The following MARCHF1 variants were observed in gnomAD, a reference collection of about 807,000 sequenced individuals.
MARCHF1 encodes the protein E3 ubiquitin-protein ligase MARCHF1.
MARCHF1 carries 40 observed loss-of-function variants against 54.2 expected under a neutral mutation model. The ratio of observed to expected loss-of-function variants is 0.74; its 90% CI spans 0.57 to 0.96. MARCHF1 has a LOEUF of 0.96. Among genes scored for constraint, MARCHF1 ranks in the 40% least tolerant of loss-of-function variants. MARCHF1 has a pLI of 0.00. For synonymous variants in MARCHF1, 236 were observed against 236.3 expected, an observed-to-expected ratio of 1.00 and a Z score of 0.01; for missense variants, 586 against 656.5, an observed-to-expected ratio of 0.89 and a Z score of 1.17.
Position 164,092,791 on chromosome 4 carries a change from G to A in MARCHF1, c.-248+18797C>T, listed in dbSNP as rs138585538. Among the ~76,000 whole-genome samples the A allele has an allele frequency of 5.3e-5, 8 of 152,200 alleles. No individual in the cohort carries two copies. In the East Asian group the frequency reaches 1.2e-3, roughly 22 times the overall value. ...ACCAATTGATAAAGAAGAAAGTTACGTTGACTGATCTCAATTATCAGAAGG... is the reference window on the plus strand; with the variant it reads ...ACCAATTGATAAAGAAGAAAGTTACATTGACTGATCTCAATTATCAGAAGG... On this transcript the variant is annotated intron_variant, in intron 2 of 9. Coordinates refer to ENST00000514618, the MANE Select transcript of MARCHF1 (RefSeq NM_001394959.1).
chr4:163,929,469 T>G (rs539040053), intron 3 of MARCHF1, among the ~76,000 whole-genome samples: 1 of 152,198 alleles, frequency 6.6e-6, no homozygotes, highest in East Asian at 1.9e-4. Flanking sequence ...ATAATTCTGA[T>G]GCCATAGTGA....
At chr4:163,832,632 A>G (rs1442938644) in intron 4 of MARCHF1, among the ~76,000 whole-genome samples, 3 of 151,176 alleles carry the variant, frequency 2.0e-5, no homozygotes, top group Non-Finnish European at 4.4e-5. Context: ...GTACATGTGC[A>G]CAACGTGCAG....
At chr4:163,794,697 G>C (rs1274012285) in intron 4 of MARCHF1, among the ~76,000 whole-genome samples, 1 of 152,108 alleles carries the variant, frequency 6.6e-6, no homozygotes, top group African/African-American at 2.4e-5. Context: ...TTGTTAAACA[G>C]TGAATAACTA....
chr4:163,551,738 C>T (rs1026625524), intron 8 of MARCHF1, among the ~76,000 whole-genome samples: 2 of 152,142 alleles, frequency 1.3e-5, no homozygotes, highest in African/African-American at 4.8e-5. Flanking sequence ...AGGATGGCTT[C>T]CCCCATACTG....
At chr4:163,814,109 T>C (rs1439401625) in intron 4 of MARCHF1, among the ~76,000 whole-genome samples, 1 of 152,112 alleles carries the variant, frequency 6.6e-6, no homozygotes, top group Non-Finnish European at 1.5e-5. Context: ...TGCTCCATTA[T>C]CTCAAGTAGC....
chr4:163,968,130 A>G (rs770976690), intron 3 of MARCHF1, among the ~76,000 whole-genome samples: 2 of 152,184 alleles, frequency 1.3e-5, no homozygotes, highest in Non-Finnish European at 1.5e-5. Context: ...TAGTTGCTGC[A>G]GGCATTTTTC....
intron 1 of MARCHF1, chr4:164,196,996 T>G (rs986244480): frequency 6.2e-7 from 1 of 1,604,436 alleles, no homozygotes; most frequent in Non-Finnish European, 8.5e-7. Context: ...TTCTCCCTCA[T>G]CTTCAGGTTC....
chr4:163,911,741 A>T (rs1478708869), intron 3 of MARCHF1, among the ~76,000 whole-genome samples: 1 of 152,176 alleles, frequency 6.6e-6, no homozygotes, highest in African/African-American at 2.4e-5. Flanking sequence ...CTTCCTTCTC[A>T]TAAAAGAAAG....
intron 5 of MARCHF1, among the ~76,000 whole-genome samples, chr4:163,623,845 C>A (rs1361972438): frequency 6.6e-6 from 1 of 152,182 alleles, no homozygotes; most frequent in Non-Finnish European, 1.5e-5. Context: ...CCTGCACCAA[C>A]ATCCTTGTCA....
chr4:163,952,892 G>T (rs1752161066), intron 3 of MARCHF1, among the ~76,000 whole-genome samples: 1 of 152,100 alleles, frequency 6.6e-6, no homozygotes, highest in Non-Finnish European at 1.5e-5. Context: ...GAAAATCTGG[G>T]CCAAGAACAA....
chr4:164,276,053 TATTTC>T (rs1440697952), intron 1 of MARCHF1, among the ~76,000 whole-genome samples: 2 of 152,166 alleles, frequency 1.3e-5, no homozygotes, highest in African/African-American at 4.8e-5. Context: ...ATCTAAGTAC[TATTTC>T]ATTTCTTCTT....
At chr4:163,918,088 G>T (rs891700635) in intron 3 of MARCHF1, among the ~76,000 whole-genome samples, 1 of 151,980 alleles carries the variant, frequency 6.6e-6, no homozygotes, top group African/African-American at 2.4e-5. Context: ...TAAGGAAGGG[G>T]TCCACTTTCA....
chr4:163,920,072 T>C lies in MARCHF1; in HGVS notation c.-38-65903A>G, dbSNP rs1388668536. On this transcript the variant is annotated intron_variant, in intron 3 of 9. Transcript: ENST00000514618. ...TTAGAAAGACTATTAGAATAATTAA[T>C]TTAGAATTAGGTAACCACGTGTAAA... Among the ~76,000 whole-genome samples the C allele has an allele frequency of 1.2e-4, 18 of 147,380 alleles. 1 individual carries two copies. Among genetic ancestry groups the C allele is most frequent in the Admixed American group, 1.2e-3 (18 of 15,160 alleles).
intron 2 of MARCHF1, among the ~76,000 whole-genome samples, chr4:164,013,321 A>G (rs1224299572): frequency 6.6e-6 from 1 of 152,196 alleles, no homozygotes; most frequent in African/African-American, 2.4e-5. Flanking sequence ...ATGAGCTCAA[A>G]GATAGGTTAT....
At chr4:163,731,574 G>A (rs932269198) in intron 4 of MARCHF1, among the ~76,000 whole-genome samples, 2 of 152,182 alleles carry the variant, frequency 1.3e-5, no homozygotes, top group African/African-American at 4.8e-5. Context: ...CAAAACCAAG[G>A]AGGCTAGATG....
chr4:163,963,835 A>G (rs906900106), intron 3 of MARCHF1, among the ~76,000 whole-genome samples: 10 of 151,898 alleles, frequency 6.6e-5, no homozygotes, highest in Non-Finnish European at 1.5e-4. Flanking sequence ...TGAGCACAGA[A>G]AGAAAGTGAG....
chr4:163,556,617 G>T (rs976616722), intron 8 of MARCHF1, among the ~76,000 whole-genome samples: 5 of 150,588 alleles, frequency 3.3e-5, no homozygotes, highest in African/African-American at 1.2e-4. Context: ...ATATATATAC[G>T]ATTTATATAT....
At chr4:164,007,642 CTCTCTGTG>C (rs1753323893) in intron 2 of MARCHF1, among the ~76,000 whole-genome samples, 1 of 96,268 alleles carries the variant, frequency 1.0e-5, no homozygotes. Flanking sequence ...CTCTCTCTCT[CTCTCTGTG>C]TGTGTGTGTG....
At chr4:163,610,123 T>C (rs1284301667) in intron 7 of MARCHF1, among the ~76,000 whole-genome samples, 1 of 152,038 alleles carries the variant, frequency 6.6e-6, no homozygotes, top group Non-Finnish European at 1.5e-5. Flanking sequence ...GTTTTCTAGA[T>C]CATCCCAGAT....
Sources: allele counts gnomAD v4.1 joint callset (sites outside exome capture counted in the v4.1 genomes callset), GRCh38; gene constraint gnomAD v4.1.1; transcripts MANE v1.5; gene names NCBI Gene and HGNC (gene_info 2026-07-23, HGNC 2026-07-21).